NLGN2: variants seen among roughly 807,000 people sequenced by gnomAD.
The protein encoded by NLGN2 is neuroligin 2, also known as neuroligin-2.
A neutral mutation model predicts 48.6 loss-of-function variants in NLGN2; 11 were observed. That is an observed-to-expected ratio of 0.23 (90% CI 0.14 to 0.37). The LOEUF (loss-of-function observed/expected upper bound fraction) is 0.37. NLGN2 is among the 10% of genes least tolerant of loss of function. NLGN2 has a pLI of 1.00. For synonymous variants in NLGN2, 548 were observed against 550.0 expected (o/e 1.00, Z 0.05); for missense variants, 801 against 1,225.2 (o/e 0.65, Z 5.17).
rs1378014377 is a variant in NLGN2, at chr17:7,415,724, G to T, written c.1251G>T (p.Leu417=). 6 of 1,614,148 alleles carry T rather than the reference G, an allele frequency of 3.7e-6. No individual in the cohort carries two copies. The highest frequency in any genetic ancestry group is 5.1e-6 in the Non-Finnish European group (6 of 1,180,058). Residue 417 remains leucine (L), a synonymous_variant, in exon 6 of 7, where the codon CTG becomes CTT. Coordinates refer to ENST00000302926, the MANE Select transcript of NLGN2 (RefSeq NM_020795.4). ...DFTVSNFVDN[L]YGYPEGKDVL... is the part of the protein sequence containing the mutation. ...CTGTCTCCAACTTTGTGGACAACCT[G>T]TATGGCTACCCGGAAGGCAAGGATG... is the stretch of plus-strand genomic sequence containing the variant.
Position 7,414,799 on chromosome 17 carries a change from G to T in NLGN2, c.795G>T (p.Gly265=). 6.2e-7 allele frequency: 1 copy of T among 1,614,182 alleles called. No homozygotes were observed. ...DPERITIFGS[G]AGASCVNLLI... is the part of the protein sequence containing the mutation. ...AGCGTATCACCATCTTTGGTTCCGG[G>T]GCAGGGGCCTCCTGCGTCAACCTTC... The change falls in exon 4 of 7, where the codon GGG becomes GGT. Residue 265 remains glycine (G), a synonymous_variant. Transcript: ENST00000302926.
At chr17:7,414,599 T>C in intron 3 of NLGN2, 64 bp from the exon 4 acceptor site, 1 of 1,610,410 alleles carries the variant, frequency 6.2e-7, no homozygotes, top group African/African-American at 1.3e-5. Flanking sequence ...TGGACTGAGC[T>C]GCCCAGAAAG....
At position 7,418,876 on chromosome 17, in the gene NLGN2, G is replaced by A. The variant is rs1329310211; in HGVS notation, c.*1077G>A. 1 of 152,678 alleles carries A rather than the reference G, an allele frequency of 6.5e-6. No individual in the cohort carries two copies. The allele number at this position is 152,678 out of a possible 1,614,324, so 9.5% of individuals were successfully genotyped here. ...AGCATTGCTCATCCGTGCCAAACTG[G>A]GTAGGTGGATTTGAGCGGAAAGACT... On this transcript the variant is annotated 3_prime_UTR_variant, in exon 7 of 7. Transcript: ENST00000302926.
intron 1 of NLGN2, among the ~76,000 whole-genome samples, chr17:7,410,971 GCCTTGGCCTTGACCCAT>G (rs1187355522): frequency 6.6e-6 from 1 of 152,188 alleles, no homozygotes; most frequent in African/African-American, 2.4e-5. Context: ...TCCAGAGCTT[GCCTTGGCCTTGACCCAT>G]CCTTGGCCTT....
At chr17:7,416,191 C>G in intron 6 of NLGN2, 84 bp downstream of exon 6, 5 of 1,121,118 alleles carry the variant, frequency 4.5e-6, no homozygotes, top group Admixed American at 3.6e-5. Flanking sequence ...GGCACTCACT[C>G]TGGCCTGCCC....
At position 7,417,637 on chromosome 17, in the gene NLGN2, CT is replaced by C; in HGVS notation, c.2348del (p.Leu783TrpfsTer6). ...LRRAPDDVPL[L>X]APGALTLLPS... ...GCCGGGCACCGGACGATGTGCCTCT[CT>C]TGGCCCCCGGGGCCCTGACCCTGCT... On this transcript the variant is annotated frameshift_variant, in exon 7 of 7. Transcript: ENST00000302926. LOFTEE classifies it high-confidence loss of function. 1.4e-6 allele frequency: 2 copies of C among 1,410,944 alleles called. No homozygotes were observed. Among genetic ancestry groups the C allele is most frequent in the African/African-American group, 1.5e-5 (1 of 66,226 alleles). 87.4% of individuals were successfully genotyped at this position (1,410,944 alleles called of 1,614,324 possible). A position where few individuals can be genotyped will look rare whatever the true frequency, so the allele number is the denominator to read the frequency against.
chr17:7,415,463 AGAG>A (rs1907061255), intron 5 of NLGN2, 45 bp from the exon 6 acceptor site: 1 of 1,525,238 alleles, frequency 6.6e-7, no homozygotes, highest in Non-Finnish European at 9.1e-7. Flanking sequence ...CCACAGGCCA[AGAG>A]GAGGCCAGTG....
chr17:7,417,667 C>T lies in NLGN2; in HGVS notation c.2376C>T (p.Pro792=). The T allele has an allele frequency of 7.2e-7, 1 of 1,390,106 alleles. No individual in the cohort carries two copies. The highest frequency in any genetic ancestry group is 9.3e-7 in the Non-Finnish European group (1 of 1,080,108). The allele number at this position is 1,390,106 out of a possible 1,614,324, so 86.1% of individuals were successfully genotyped here. A position where few individuals can be genotyped will look rare whatever the true frequency, so the allele number is the denominator to read the frequency against. Residue 792 remains proline (P), a synonymous_variant, in exon 7 of 7, where the codon CCC becomes CCT. Coordinates refer to ENST00000302926, the MANE Select transcript of NLGN2 (RefSeq NM_020795.4). The part of the protein sequence containing the change: ...LLAPGALTLL[P]SGLGPPPPPP... The stretch of plus-strand genomic sequence containing the variant: ...CCCCCGGGGCCCTGACCCTGCTGCC[C>T]AGTGGCCTGGGGCCACCGCCACCCC...
rs1191465859 is a variant in NLGN2, at chr17:7,415,938, G to T, written c.1465G>T (p.Ala489Ser). The T allele has an allele frequency of 6.2e-7, 1 of 1,613,944 alleles. No homozygotes were observed. Among genetic ancestry groups the T allele is most frequent in the Non-Finnish European group, 8.5e-7 (1 of 1,179,908 alleles). The change falls in exon 6 of 7, where the codon GCG becomes TCG. Residue 489 changes from alanine to serine, a missense_variant. Ala to Ser is a moderately conservative substitution (Grantham distance 99). Around this residue, in one of 5 missense-constraint regions of NLGN2, gnomAD observed 303 missense variants for 600.1 expected, o/e 0.50. Coordinates refer to ENST00000302926, the MANE Select transcript of NLGN2 (RefSeq NM_020795.4). ...YFYTFYHHCQ[A>S]EGRPEWADAA... ...TTACACCTTCTACCACCACTGCCAG[G>T]CGGAGGGCCGGCCTGAGTGGGCAGA... is the stretch of plus-strand genomic sequence containing the variant.
rs141813037 is a variant in NLGN2 at position 7,415,071 on chromosome 17, G to T, written c.960G>T (p.Glu320Asp). 1 of 1,613,480 alleles carries T rather than the reference G, an allele frequency of 6.2e-7. No individual in the cohort carries two copies. Among genetic ancestry groups the T allele is most frequent in the Non-Finnish European group, 8.5e-7 (1 of 1,180,026 alleles). The part of the protein sequence containing the change: ...LLAAKVGCDR[E>D]DSAEAVECLR... ...CAGCCAAGGTGGGCTGTGACCGAGAGGACAGCGCTGAAGCTGTGGAGTGTC... is the reference window on the plus strand; with the variant it reads ...CAGCCAAGGTGGGCTGTGACCGAGATGACAGCGCTGAAGCTGTGGAGTGTC... The change falls in exon 5 of 7, where the codon GAG (glutamate) becomes GAT (aspartate). Residue 320 changes from glutamate (E) to aspartate (D), a missense_variant. Around this residue, in one of 5 missense-constraint regions of NLGN2, gnomAD observed 303 missense variants for 600.1 expected, o/e 0.50. Transcript: ENST00000302926.
In NLGN2 at chr17:7,417,514, G is replaced by T. The variant is rs1597714472; in HGVS notation, c.2223G>T (p.Glu741Asp). 4 of 1,506,520 alleles carry T rather than the reference G, an allele frequency of 2.7e-6. No homozygotes were observed. Among genetic ancestry groups the T allele is most frequent in the Non-Finnish European group, 3.5e-6 (4 of 1,131,020 alleles). The allele number at this position is 1,506,520 out of a possible 1,614,324, so 93.3% of individuals were successfully genotyped here. ...AAGRELPPEE[E>D]LVSLQLKRGG... Reference sequence around the variant, plus strand: ...GCCGTGAGCTGCCACCAGAGGAGGAGCTGGTGTCACTGCAGCTGAAGCGGG... The same window carrying T: ...GCCGTGAGCTGCCACCAGAGGAGGATCTGGTGTCACTGCAGCTGAAGCGGG... The change falls in exon 7 of 7, where the codon GAG becomes GAT. Residue 741 changes from glutamate to aspartate, a missense_variant. Around this residue, in one of 5 missense-constraint regions of NLGN2, gnomAD observed 276 missense variants for 313.9 expected, o/e 0.88. Transcript: ENST00000302926.
Position 7,415,663 on chromosome 17 carries a change from G to T in NLGN2, c.1190G>T (p.Ser397Ile). The T allele has an allele frequency of 6.2e-7, 1 of 1,614,260 alleles. No individual in the cohort carries two copies. Among genetic ancestry groups the T allele is most frequent in the Non-Finnish European group, 8.5e-7 (1 of 1,180,052 alleles). Residue 397 changes from serine to isoleucine, a missense_variant, in exon 6 of 7, where the codon AGC becomes ATC. Ser to Ile is a moderately radical substitution (Grantham distance 142). Transcript: ENST00000302926. ...AAGTTCGTGGAGGACTCTGCAGAGA[G>T]CGAGGACGGTGTGTCTGCCAGCGCC... ...GLKFVEDSAESEDGVSASAFD... is the reference protein window; with the variant it reads ...GLKFVEDSAEIEDGVSASAFD...
chr17:7,408,133 C>T lies in NLGN2; in HGVS notation c.-123C>T. 4.3e-6 allele frequency: 2 copies of T among 470,292 alleles called. No homozygotes were observed. Among genetic ancestry groups the T allele is most frequent in the Non-Finnish European group, 3.6e-6 (1 of 281,200 alleles). The allele number at this position is 470,292 out of a possible 1,614,324, so 29.1% of individuals were successfully genotyped here. ...CCAGGTCCCTCCCCAACCCCCTCCTCCCTCCTTTCCCCCCGCCCCTCCTCC... is the reference window on the plus strand; with the variant it reads ...CCAGGTCCCTCCCCAACCCCCTCCTTCCTCCTTTCCCCCCGCCCCTCCTCC... On this transcript the variant is annotated 5_prime_UTR_variant, in exon 1 of 7. Coordinates refer to ENST00000302926, the MANE Select transcript of NLGN2 (RefSeq NM_020795.4). The surrounding 1 kb of genome is among the most constrained non-coding windows in gnomAD (Gnocchi z 7.5).
chr17:7,412,219 A>C lies in NLGN2; in HGVS notation c.508+12A>C. On this transcript the variant is annotated intron_variant, in intron 2 of 6. Transcript: ENST00000302926. Reference sequence around the variant, plus strand: ...TCCGCCAGACACAGGTAGATTTAAAAATCCCGCTGCTGCATGTGGTTGCTT... The same window carrying C: ...TCCGCCAGACACAGGTAGATTTAAACATCCCGCTGCTGCATGTGGTTGCTT... 6.2e-7 allele frequency: 1 copy of C among 1,610,770 alleles called. No individual in the cohort carries two copies. The highest frequency in any genetic ancestry group is 8.5e-7 in the Non-Finnish European group (1 of 1,177,606).
At chr17:7,414,618 G>C (rs941252761) in intron 3 of NLGN2, 45 bp from the exon 4 acceptor site, 2 of 1,612,506 alleles carry the variant, frequency 1.2e-6, no homozygotes, top group South Asian at 2.2e-5. Context: ...AGGGGGCAGG[G>C]GCGCTGTGAC....
At position 7,415,635 on chromosome 17, in the gene NLGN2, C is replaced by T. The variant is rs1907071164; in HGVS notation, c.1162C>T (p.Leu388Phe). ...CATCGGCGTCAACCAGGGAGAGGGCCTCAAGTTCGTGGAGGACTCTGCAGA... is the reference window on the plus strand; with the variant it reads ...CATCGGCGTCAACCAGGGAGAGGGCTTCAAGTTCGTGGAGGACTCTGCAGA... ...MLIGVNQGEG[L>F]KFVEDSAESE... Residue 388 changes from leucine to phenylalanine, a missense_variant, in exon 6 of 7, where the codon CTC becomes TTC. Physicochemically the swap from Leu to Phe is conservative, Grantham distance 22. Around this residue, in one of 5 missense-constraint regions of NLGN2, gnomAD observed 303 missense variants for 600.1 expected, o/e 0.50. Coordinates refer to ENST00000302926, the MANE Select transcript of NLGN2 (RefSeq NM_020795.4). The T allele has an allele frequency of 6.2e-7, 1 of 1,613,532 alleles. No individual in the cohort carries two copies. The highest frequency in any genetic ancestry group is 1.3e-5 in the African/African-American group (1 of 74,932).
At position 7,417,225 on chromosome 17, in the gene NLGN2, C is replaced by T. The variant is rs778180842; in HGVS notation, c.1934C>T (p.Pro645Leu). Reference protein sequence around the residue: ...AGAPGTRRPPPPATLPPEPEP... With the variant: ...AGAPGTRRPPLPATLPPEPEP... ...GCCCCGGGCACACGCCGGCCCCCGCCGCCTGCCACCCTGCCTCCCGAGCCC... is the reference window on the plus strand; with the variant it reads ...GCCCCGGGCACACGCCGGCCCCCGCTGCCTGCCACCCTGCCTCCCGAGCCC... The change falls in exon 7 of 7, where the codon CCG (proline) becomes CTG (leucine). Residue 645 changes from proline (P) to leucine (L), a missense_variant. By Grantham distance (98) the Pro-to-Leu change is moderately conservative. Coordinates refer to ENST00000302926, the MANE Select transcript of NLGN2 (RefSeq NM_020795.4). The T allele has an allele frequency of 4.1e-5, 63 of 1,536,704 alleles. No individual in the cohort carries two copies. The Middle Eastern group carries it at 8.9e-4, about 22-fold the overall frequency.
rs760677149 is a variant in NLGN2, at chr17:7,417,194, G to A, written c.1903G>A (p.Ala635Thr). 7.0e-6 allele frequency: 11 copies of A among 1,564,066 alleles called. No individual in the cohort carries two copies. Among genetic ancestry groups the A allele is most frequent in the Middle Eastern group, 1.8e-4 (1 of 5,516 alleles). ...YATRWPPRPP[A>T]GAPGTRRPPP... ...CACGCGCTGGCCGCCTCGTCCCCCCGCTGGCGCCCCGGGCACACGCCGGCC... is the reference window on the plus strand; with the variant it reads ...CACGCGCTGGCCGCCTCGTCCCCCCACTGGCGCCCCGGGCACACGCCGGCC... The change falls in exon 7 of 7, where the codon GCT becomes ACT. Residue 635 changes from alanine to threonine, a missense_variant. Ala to Thr is a moderately conservative substitution (Grantham distance 58). This residue lies in a region of NLGN2 where 276 missense variants were observed against 313.9 expected (regional missense o/e 0.88). Transcript: ENST00000302926.
chr17:7,408,211 G>GT lies in NLGN2; in HGVS notation c.-45_-44insT. 1.8e-6 allele frequency: 2 copies of GT among 1,087,582 alleles called. No homozygotes were observed. The highest frequency in any genetic ancestry group is 1.8e-5 in the African/African-American group (1 of 56,994). The allele number at this position is 1,087,582 out of a possible 1,614,324, so 67.4% of individuals were successfully genotyped here. On this transcript the variant is annotated 5_prime_UTR_variant, in exon 1 of 7. Coordinates refer to ENST00000302926, the MANE Select transcript of NLGN2 (RefSeq NM_020795.4). The surrounding 1 kb of genome is among the most constrained non-coding windows in gnomAD (Gnocchi z 7.5). The stretch of plus-strand genomic sequence containing the variant: ...CTCTCCCCCCCTTCTCTCTCTCTCC[G>GT]AGGGGGGGGGGTCCCAGGGAGGGAG...
Sources: allele counts gnomAD v4.1 joint callset (sites outside exome capture counted in the v4.1 genomes callset), GRCh38; gene constraint gnomAD v4.1.1; regional missense constraint gnomAD v4.1.1; non-coding constraint Gnocchi (gnomAD v3.1); transcripts MANE v1.5; gene names NCBI Gene and HGNC (gene_info 2026-07-23, HGNC 2026-07-21).